Variants in AHCYL2 observed in about 807,000 individuals in gnomAD.
AHCYL2 encodes adenosylhomocysteinase like 2.
Under a neutral mutation model 81.4 loss-of-function variants are expected in AHCYL2, and 28 were observed. The ratio of observed to expected loss-of-function variants is 0.34; its 90% CI spans 0.25 to 0.47. AHCYL2 has a LOEUF of 0.47. Ranked by LOEUF, AHCYL2 falls within the 20% of genes least tolerant of loss-of-function variation. AHCYL2 has a pLI of 1.00. For synonymous variants in AHCYL2, 272 were observed against 290.2 expected (o/e 0.94, Z 0.64); for missense variants, 551 against 785.1 (o/e 0.70, Z 3.56).
chr7:129,225,568 C>T, intron 1 of AHCYL2, 129 bp downstream of exon 1: 1 of 1,358,820 alleles, frequency 7.4e-7, no homozygotes, highest in Middle Eastern at 2.7e-4. Flanking sequence ...CCCTTGTCCC[C>T]TTAAACCCAC....
chr7:129,299,369 G>GTTTTTTTTTTTTTTTT lies in AHCYL2; in HGVS notation c.363+73957_363+73972dup, dbSNP rs71162592. On this transcript the variant is annotated intron_variant, in intron 1 of 16. Coordinates refer to ENST00000325006, the MANE Select transcript of AHCYL2 (RefSeq NM_015328.4). ...AGGCTGAGGTGGGAGAGTCCAACTT[G>GTTTTTTTTTTTTTTTT]TTTTTTTTTTTTTTTTTTTTTTTTT... is the stretch of plus-strand genomic sequence containing the variant. 1.3e-4 allele frequency among the ~76,000 whole-genome samples: 6 copies of GTTTTTTTTTTTTTTTT among 46,306 alleles called. 1 individual carries two copies. The highest frequency in any genetic ancestry group is 1.8e-3 in the East Asian group (2 of 1,104). The allele number at this position is 46,306 out of a possible 152,430, so 30.4% of individuals were successfully genotyped here.
rs1441829533 is a variant in AHCYL2, at chr7:129,233,775, G to T, written c.363+8336G>T. Among the ~76,000 whole-genome samples, 4 of 152,266 alleles carry T rather than the reference G, an allele frequency of 2.6e-5. No homozygotes were observed. The East Asian group carries it at 7.7e-4, about 29-fold the overall frequency. On this transcript the variant is annotated intron_variant, in intron 1 of 16. Coordinates refer to ENST00000325006, the MANE Select transcript of AHCYL2 (RefSeq NM_015328.4). ...GCTGAGATTATGGGCATGAGCCACCGTGCCCAGCTCTTATTTCTAATCTCT... is the reference window on the plus strand; with the variant it reads ...GCTGAGATTATGGGCATGAGCCACCTTGCCCAGCTCTTATTTCTAATCTCT...
At chr7:129,321,950 A>G (rs1380952742) in intron 1 of AHCYL2, among the ~76,000 whole-genome samples, 1 of 150,614 alleles carries the variant, frequency 6.6e-6, no homozygotes, top group East Asian at 1.9e-4. Flanking sequence ...TAATTTTTGT[A>G]TTTTTAGTAG....
Position 129,303,443 on chromosome 7 carries a change from A to T in AHCYL2, c.364-76195A>T, listed in dbSNP as rs536438403. Among the ~76,000 whole-genome samples, 14 of 152,274 alleles carry T rather than the reference A, an allele frequency of 9.2e-5. No homozygotes were observed. The East Asian group carries it at 2.7e-3, about 29-fold the overall frequency. On this transcript the variant is annotated intron_variant, in intron 1 of 16. Coordinates refer to ENST00000325006, the MANE Select transcript of AHCYL2 (RefSeq NM_015328.4). ...CTTCTAGGTTTTCCAATTTATTGGC[A>T]TATAATTGCTCATAGTAGCCTCAAA...
chr7:129,269,531 C>T (rs1037235758), intron 1 of AHCYL2, among the ~76,000 whole-genome samples: 2 of 152,148 alleles, frequency 1.3e-5, no homozygotes, highest in African/African-American at 4.8e-5. Flanking sequence ...TCGTGATTCA[C>T]CCACCTCAAC....
chr7:129,321,293 T>C (rs949377405), intron 1 of AHCYL2, among the ~76,000 whole-genome samples: 4 of 152,236 alleles, frequency 2.6e-5, no homozygotes, highest in Non-Finnish European at 5.9e-5. Context: ...TAATGTTAAC[T>C]GTAATTTGTT....
intron 1 of AHCYL2, among the ~76,000 whole-genome samples, chr7:129,252,315 G>A (rs1429743073): frequency 1.3e-5 from 2 of 152,204 alleles, no homozygotes; most frequent in Non-Finnish European, 2.9e-5. Flanking sequence ...TTAACAACAG[G>A]AACAGTGAGT....
chr7:129,364,883 G>A (rs1794052322), intron 1 of AHCYL2, among the ~76,000 whole-genome samples: 1 of 152,296 alleles, frequency 6.6e-6, no homozygotes, highest in African/African-American at 2.4e-5. Context: ...AGTCATATAG[G>A]TGTAGTCAGT....
At chr7:129,300,631 T>C (rs1234640537) in intron 1 of AHCYL2, among the ~76,000 whole-genome samples, 2 of 152,242 alleles carry the variant, frequency 1.3e-5, no homozygotes, top group Non-Finnish European at 2.9e-5. Flanking sequence ...CTCTTCAATA[T>C]ACTGACTTCC....
chr7:129,234,022 A>G (rs977721431), intron 1 of AHCYL2, among the ~76,000 whole-genome samples: 22 of 143,070 alleles, frequency 1.5e-4, no homozygotes, highest in African/African-American at 3.9e-4. Flanking sequence ...TTCTTTTTCT[A>G]TCTTTCTTCT....
chr7:129,234,216 A>C (rs1794552939), intron 1 of AHCYL2, among the ~76,000 whole-genome samples: 1 of 151,932 alleles, frequency 6.6e-6, no homozygotes, highest in Non-Finnish European at 1.5e-5. Flanking sequence ...ATACCTGGCT[A>C]ATTTTTTTAT....
intron 1 of AHCYL2, among the ~76,000 whole-genome samples, chr7:129,296,843 A>G (rs1797065294): frequency 6.6e-6 from 1 of 152,216 alleles, no homozygotes; most frequent in Non-Finnish European, 1.5e-5. Flanking sequence ...CTGGAAGGTA[A>G]ATTAAGTAAA....
intron 1 of AHCYL2, among the ~76,000 whole-genome samples, chr7:129,279,390 C>T (rs1186607379): frequency 1.3e-5 from 2 of 152,086 alleles, no homozygotes; most frequent in East Asian, 1.9e-4. Flanking sequence ...CTCAGGTGAT[C>T]CCCCCACCCC....
In AHCYL2 at chr7:129,424,998, G is replaced by C. The variant is rs1351856313; in HGVS notation, c.1629+56G>C. The C allele has an allele frequency of 3.1e-6, 5 of 1,612,520 alleles. No homozygotes were observed. In the African/African-American group the frequency reaches 6.7e-5, roughly 22 times the overall value. ...CTGGAGAAGGTCCTCAGACCCACCA[G>C]GTTTCACTTGCTTGGGTAGATTGCC... is the stretch of plus-strand genomic sequence containing the variant. On this transcript the variant is annotated intron_variant, in intron 14 of 16. Coordinates refer to ENST00000325006, the MANE Select transcript of AHCYL2 (RefSeq NM_015328.4).
intron 1 of AHCYL2, among the ~76,000 whole-genome samples, chr7:129,329,506 T>C (rs999379692): frequency 6.6e-6 from 1 of 152,218 alleles, no homozygotes; most frequent in Admixed American, 6.5e-5. Context: ...GTCTGTAGAT[T>C]GATTTCTTAG....
intron 1 of AHCYL2, 45 bp downstream of exon 1, chr7:129,225,484 G>T: frequency 2.1e-6 from 3 of 1,461,420 alleles, no homozygotes; most frequent in Non-Finnish European, 1.8e-6. Flanking sequence ...GGGAGGGGAG[G>T]GGAACTGCAG....
intron 11 of AHCYL2, among the ~76,000 whole-genome samples, chr7:129,412,352 C>G (rs1320794743): frequency 6.7e-6 from 1 of 149,616 alleles, no homozygotes; most frequent in Non-Finnish European, 1.5e-5. Flanking sequence ...GCGATACTGG[C>G]TCACTGCAAC....
chr7:129,415,727 G>A (rs1796813410), intron 12 of AHCYL2, among the ~76,000 whole-genome samples: 1 of 152,062 alleles, frequency 6.6e-6, no homozygotes, highest in Non-Finnish European at 1.5e-5. Flanking sequence ...AAGGCGGGAT[G>A]ATTACTTGAG....
chr7:129,322,095 T>C (rs1798055887), intron 1 of AHCYL2, among the ~76,000 whole-genome samples: 1 of 144,618 alleles, frequency 6.9e-6, no homozygotes, highest in Non-Finnish European at 1.5e-5. Context: ...CAAGTAAGCC[T>C]TCTGGGCCAG....
Sources: allele counts gnomAD v4.1 joint callset (sites outside exome capture counted in the v4.1 genomes callset), GRCh38; gene constraint gnomAD v4.1.1; transcripts MANE v1.5; gene names NCBI Gene and HGNC (gene_info 2026-07-23, HGNC 2026-07-21).